The following DLC1 variants were observed in gnomAD, a reference collection of about 807,000 sequenced individuals.
DLC1 encodes rho GTPase-activating protein 7.
A neutral mutation model predicts 140.3 loss-of-function variants in DLC1; 54 were observed. The ratio of observed to expected loss-of-function variants is 0.38; its 90% CI spans 0.31 to 0.48. The LOEUF (loss-of-function observed/expected upper bound fraction) is 0.48. Among genes scored for constraint, DLC1 ranks in the 20% least tolerant of loss-of-function variants. The pLI, the probability that DLC1 is intolerant of heterozygous loss-of-function variation, is 0.96. For missense variants in DLC1, 2,536 were observed against 1,907.0 expected (o/e 1.33, Z -6.14); for synonymous variants, 986 against 728.1 (o/e 1.35, Z -5.70).
chr8:13,170,439 T>G (rs898985908), intron 5 of DLC1, among the ~76,000 whole-genome samples: 1 of 152,012 alleles, frequency 6.6e-6, no homozygotes, highest in Non-Finnish European at 1.5e-5. Flanking sequence ...ACTTTGAAAA[T>G]GTGTTTCCGG....
intron 2 of DLC1, among the ~76,000 whole-genome samples, chr8:13,489,859 C>G (rs116713799): frequency 6.6e-6 from 1 of 152,178 alleles, no homozygotes; most frequent in South Asian, 2.1e-4. Context: ...TATAATAATT[C>G]TGCACTCCAA....
chr8:13,571,970 GT>G lies in DLC1; in HGVS notation c.-126+32566del, dbSNP rs1389402997. ...TCCAAATCCCTAATGATGCTAAACAGTTTTTCATGTGATTAATGTTCATTTG... is the reference window on the plus strand; with the variant it reads ...TCCAAATCCCTAATGATGCTAAACAGTTTTCATGTGATTAATGTTCATTTG... On this transcript the variant is annotated intron_variant, in intron 1 of 1. Coordinates refer to the DLC1 transcript ENST00000631382. Among the ~76,000 whole-genome samples, 5 of 152,148 alleles carry G rather than the reference GT, an allele frequency of 3.3e-5. No homozygotes were observed. The East Asian group carries it at 9.6e-4, about 29-fold the overall frequency.
chr8:13,420,052 T>A (rs908090694), intron 2 of DLC1, among the ~76,000 whole-genome samples: 2 of 152,214 alleles, frequency 1.3e-5, no homozygotes, highest in African/African-American at 4.8e-5. Context: ...GTGGGATCGG[T>A]GGTGATATCC....
At chr8:13,158,015 C>T (rs140801742) in intron 5 of DLC1, among the ~76,000 whole-genome samples, 1 of 152,230 alleles carries the variant, frequency 6.6e-6, no homozygotes, top group Non-Finnish European at 1.5e-5. Flanking sequence ...GGGTTTGGAA[C>T]TTGTGCATAC....
intron 1 of DLC1, among the ~76,000 whole-genome samples, chr8:13,530,334 A>C (rs1803054627): frequency 6.6e-6 from 1 of 152,224 alleles, no homozygotes; most frequent in Non-Finnish European, 1.5e-5. Context: ...TGAGATTCAG[A>C]AATAAATTTA....
intron 5 of DLC1, among the ~76,000 whole-genome samples, chr8:13,236,829 T>A (rs1417275168): frequency 6.6e-6 from 1 of 152,018 alleles, no homozygotes; most frequent in Non-Finnish European, 1.5e-5. Context: ...TACTTGCCCA[T>A]GAGAAGTGTT....
intron 5 of DLC1, among the ~76,000 whole-genome samples, chr8:13,218,106 C>G (rs1828296241): frequency 6.6e-6 from 1 of 152,086 alleles, no homozygotes; most frequent in African/African-American, 2.4e-5. Flanking sequence ...AAAATGCTAT[C>G]CACTAGAAAG....
chr8:13,165,192 C>T (rs973252937), intron 5 of DLC1, among the ~76,000 whole-genome samples: 2 of 152,098 alleles, frequency 1.3e-5, no homozygotes, highest in Non-Finnish European at 2.9e-5. Context: ...AAAGAATTAT[C>T]TGAAATTCAA....
At chr8:13,438,134 A>G (rs1839205105) in intron 2 of DLC1, among the ~76,000 whole-genome samples, 2 of 151,430 alleles carry the variant, frequency 1.3e-5, no homozygotes, top group Non-Finnish European at 1.5e-5. Flanking sequence ...CCCATTAGAG[A>G]GATTTGGAGA....
chr8:13,305,445 T>A (rs1382528504), intron 4 of DLC1, 143 bp from the exon 5 acceptor site: 1 of 753,714 alleles, frequency 1.3e-6, no homozygotes, highest in Non-Finnish European at 2.1e-6. Flanking sequence ...GAACTATCAG[T>A]AAAATCACTA....
At chr8:13,239,297 A>G (rs532874485) in intron 5 of DLC1, among the ~76,000 whole-genome samples, 1 of 151,974 alleles carries the variant, frequency 6.6e-6, no homozygotes, top group South Asian at 2.1e-4. Context: ...GAGCGGGGCA[A>G]ATAATCCAGT....
At chr8:13,382,024 G>T (rs1836283077) in intron 4 of DLC1, among the ~76,000 whole-genome samples, 1 of 152,040 alleles carries the variant, frequency 6.6e-6, no homozygotes, top group African/African-American at 2.4e-5. Flanking sequence ...TCAGTGAAAG[G>T]TTAAAGAAAA....
intron 4 of DLC1, among the ~76,000 whole-genome samples, chr8:13,381,181 A>G (rs1836235087): frequency 6.6e-6 from 1 of 152,136 alleles, no homozygotes; most frequent in African/African-American, 2.4e-5. Context: ...GGAAACTGGC[A>G]GTGCTTGTGT....
At chr8:13,219,249 G>C (rs1352963780) in intron 5 of DLC1, among the ~76,000 whole-genome samples, 1 of 133,550 alleles carries the variant, frequency 7.5e-6, no homozygotes, top group South Asian at 2.3e-4. Context: ...TGATATTCTT[G>C]AATATGAATA....
intron 2 of DLC1, among the ~76,000 whole-genome samples, chr8:13,491,914 G>T (rs555195196): frequency 6.6e-6 from 1 of 152,286 alleles, no homozygotes; most frequent in Admixed American, 6.5e-5. Flanking sequence ...TAGCATTTAT[G>T]AACAGGTTCT....
At chr8:13,207,615 G>A (rs761795492) in intron 5 of DLC1, among the ~76,000 whole-genome samples, 1 of 152,052 alleles carries the variant, frequency 6.6e-6, no homozygotes, top group South Asian at 2.1e-4. Flanking sequence ...TTTCATGGTT[G>A]CTTTACACCA....
intron 1 of DLC1, among the ~76,000 whole-genome samples, chr8:13,545,450 T>C (rs1803621393): frequency 6.6e-6 from 1 of 152,090 alleles, no homozygotes; most frequent in African/African-American, 2.4e-5. Context: ...ATTCACCTTT[T>C]CTTTCCTGGC....
At chr8:13,405,667 C>G (rs567487516) in intron 2 of DLC1, among the ~76,000 whole-genome samples, 1 of 152,108 alleles carries the variant, frequency 6.6e-6, no homozygotes, top group Non-Finnish European at 1.5e-5. Flanking sequence ...ATCATGAATT[C>G]TCTCCTCAAC....
At chr8:13,526,503 G>T (rs1420815640) in intron 1 of DLC1, among the ~76,000 whole-genome samples, 1 of 151,996 alleles carries the variant, frequency 6.6e-6, no homozygotes. Context: ...TTTACTGTAA[G>T]AATATTGTAT....
Sources: gnomAD v4.1 joint callset for allele counts (sites outside exome capture counted in the v4.1 genomes callset) on GRCh38, gnomAD v4.1.1 for gene constraint, MANE v1.5 for transcripts, NCBI Gene and HGNC (gene_info 2026-07-23, HGNC 2026-07-21) for gene names.